SGCZ: variants seen among roughly 807,000 people sequenced by gnomAD.
SGCZ encodes zeta-sarcoglycan.
SGCZ carries 40 observed loss-of-function variants against 41.3 expected under a neutral mutation model. The ratio of observed to expected loss-of-function variants is 0.97; its 90% CI spans 0.75 to 1.26. The LOEUF is 1.26. SGCZ is among the 50% of genes most tolerant of loss of function. The pLI, the probability that SGCZ is intolerant of heterozygous loss-of-function variation, is 0.00. For synonymous variants in SGCZ, 206 were observed against 137.5 expected (o/e 1.50, Z -3.49); for missense variants, 552 against 369.8 (o/e 1.49, Z -4.04).
intron 1 of SGCZ, among the ~76,000 whole-genome samples, chr8:14,558,786 A>C (rs1804117419): frequency 6.6e-6 from 1 of 152,114 alleles, no homozygotes; most frequent in African/African-American, 2.4e-5. Flanking sequence ...AAGATAATTC[A>C]CCATGATCAA....
chr8:14,498,967 G>T (rs1413354952), intron 2 of SGCZ, among the ~76,000 whole-genome samples: 2 of 151,312 alleles, frequency 1.3e-5, no homozygotes, highest in African/African-American at 4.8e-5. Flanking sequence ...ATCTATGAAT[G>T]GTCCAGTTAT....
rs559268506 is a variant in SGCZ, at chr8:14,951,035, C to G, written c.39+286550G>C. ...TGAGTAGTGCTTCTGTTAGCATCAA[C>G]AGTGTGGAGAAAATAACATGAAGGA... On this transcript the variant is annotated intron_variant, in intron 1 of 7. Coordinates refer to ENST00000382080, the MANE Select transcript of SGCZ (RefSeq NM_139167.4). 1.1e-3 allele frequency among the ~76,000 whole-genome samples: 161 copies of G among 152,028 alleles called. 2 individuals are homozygous for G. The highest frequency in any genetic ancestry group is 3.6e-3 in the African/African-American group (150 of 41,518).
chr8:14,529,972 G>T (rs962227965), intron 2 of SGCZ, among the ~76,000 whole-genome samples: 5 of 152,180 alleles, frequency 3.3e-5, no homozygotes, highest in African/African-American at 1.2e-4. Context: ...CATTAAGAAT[G>T]CACAAGTGCT....
At chr8:14,520,837 G>A (rs956509982) in intron 2 of SGCZ, among the ~76,000 whole-genome samples, 3 of 151,788 alleles carry the variant, frequency 2.0e-5, no homozygotes, top group African/African-American at 4.8e-5. Context: ...TCTTTCTCAC[G>A]CTCTCTAATA....
At chr8:14,473,788 A>G (rs1424614157) in intron 2 of SGCZ, among the ~76,000 whole-genome samples, 3 of 151,986 alleles carry the variant, frequency 2.0e-5, no homozygotes, top group Non-Finnish European at 4.4e-5. Flanking sequence ...ATACAAAAAA[A>G]TTAGCCAGGC....
At chr8:14,329,137 T>A (rs1178606968) in intron 2 of SGCZ, among the ~76,000 whole-genome samples, 4 of 152,218 alleles carry the variant, frequency 2.6e-5, no homozygotes, top group African/African-American at 9.6e-5. Context: ...CACATGTGAT[T>A]TACCTATTGT....
intron 1 of SGCZ, among the ~76,000 whole-genome samples, chr8:14,979,635 C>G (rs1404919659): frequency 6.6e-6 from 1 of 152,200 alleles, no homozygotes; most frequent in East Asian, 1.9e-4. Context: ...TCTAACTGCA[C>G]TTGAATCAAA....
At chr8:14,897,759 T>C (rs1585359776) in intron 1 of SGCZ, among the ~76,000 whole-genome samples, 1 of 152,158 alleles carries the variant, frequency 6.6e-6, no homozygotes, top group Non-Finnish European at 1.5e-5. Flanking sequence ...CAAAACATCC[T>C]AGCATGTGTG....
At chr8:14,467,988 G>C (rs1801100723) in intron 2 of SGCZ, among the ~76,000 whole-genome samples, 1 of 151,812 alleles carries the variant, frequency 6.6e-6, no homozygotes, top group African/African-American at 2.4e-5. Flanking sequence ...ATTTAATATT[G>C]ACCATTTAAT....
chr8:14,234,579 C>T (rs928701835), intron 4 of SGCZ, among the ~76,000 whole-genome samples: 2 of 151,824 alleles, frequency 1.3e-5, no homozygotes, highest in Non-Finnish European at 2.9e-5. Context: ...ATTCTTTTCC[C>T]TAACTATTCA....
At chr8:14,116,227 G>C (rs188682943) in intron 5 of SGCZ, among the ~76,000 whole-genome samples, 109 of 152,168 alleles carry the variant, frequency 7.2e-4, no homozygotes, top group African/African-American at 2.5e-3. Flanking sequence ...ATGTTCAAAA[G>C]ATGCTAATTG....
intron 1 of SGCZ, among the ~76,000 whole-genome samples, chr8:14,941,682 A>G (rs1800279929): frequency 2.0e-5 from 3 of 151,872 alleles, no homozygotes; most frequent in African/African-American, 4.8e-5. Context: ...ATTGTTGCCT[A>G]TTTAGTATTT....
chr8:15,199,030 C>T (rs919195594), intron 1 of SGCZ, among the ~76,000 whole-genome samples: 2 of 152,114 alleles, frequency 1.3e-5, no homozygotes, highest in Non-Finnish European at 2.9e-5. Flanking sequence ...AGTATTAATA[C>T]AGTGATTCGT....
chr8:14,143,896 A>T (rs1803446484), intron 5 of SGCZ, among the ~76,000 whole-genome samples: 1 of 152,172 alleles, frequency 6.6e-6, no homozygotes. Context: ...GTTAGAGCAG[A>T]AGGTAAAACT....
intron 2 of SGCZ, among the ~76,000 whole-genome samples, chr8:14,329,378 G>A (rs1444854169): frequency 2.0e-5 from 3 of 152,102 alleles, no homozygotes; most frequent in Admixed American, 6.5e-5. Context: ...ATTTTTAATA[G>A]TTATTCCCTT....
intron 2 of SGCZ, among the ~76,000 whole-genome samples, chr8:14,428,015 A>C (rs1439414782): frequency 1.3e-5 from 2 of 152,048 alleles, no homozygotes; most frequent in Non-Finnish European, 2.9e-5. Flanking sequence ...ATGTGATTTC[A>C]TATCAGCGAT....
At chr8:14,750,509 G>C (rs1489437216) in intron 1 of SGCZ, among the ~76,000 whole-genome samples, 1 of 152,058 alleles carries the variant, frequency 6.6e-6, no homozygotes, top group Non-Finnish European at 1.5e-5. Flanking sequence ...GTCTTTATGT[G>C]TCACTTTTAT....
intron 1 of SGCZ, among the ~76,000 whole-genome samples, chr8:15,118,786 T>G (rs1012900843): frequency 1.2e-4 from 19 of 152,104 alleles, no homozygotes; most frequent in African/African-American, 4.6e-4. Flanking sequence ...TTATGACAGG[T>G]TATTTTCCCC....
chr8:14,304,213 C>A (rs1801280950), intron 3 of SGCZ, among the ~76,000 whole-genome samples: 1 of 151,816 alleles, frequency 6.6e-6, no homozygotes, highest in South Asian at 2.1e-4. Context: ...GAGGCTGAGG[C>A]AGGAGGATCG....
Sources: gnomAD v4.1 joint callset for allele counts (sites outside exome capture counted in the v4.1 genomes callset) on GRCh38, gnomAD v4.1.1 for gene constraint, MANE v1.5 for transcripts, NCBI Gene and HGNC (gene_info 2026-07-23, HGNC 2026-07-21) for gene names.